HS3ST4: variants seen among roughly 807,000 people sequenced by gnomAD.
HS3ST4 encodes the protein heparan sulfate glucosamine 3-O-sulfotransferase 4.
In HS3ST4, 17 loss-of-function variants were observed where a neutral mutation model predicts 29.2. That is an observed-to-expected ratio of 0.58 (90% CI 0.40 to 0.87). The LOEUF (loss-of-function observed/expected upper bound fraction) is 0.87. Among genes scored for constraint, HS3ST4 ranks in the 40% least tolerant of loss-of-function variants. The pLI is 0.00. For synonymous variants in HS3ST4, 314 were observed against 285.7 expected (o/e 1.10, Z -1.00); for missense variants, 627 against 634.5 (o/e 0.99, Z 0.13).
At chr16:25,740,154 G>T (rs1053386868) in intron 1 of HS3ST4, among the ~76,000 whole-genome samples, 8 of 152,156 alleles carry the variant, frequency 5.3e-5, no homozygotes, top group African/African-American at 1.4e-4. Flanking sequence ...AGAGCCTACT[G>T]CATCGTTCTA....
intron 1 of HS3ST4, among the ~76,000 whole-genome samples, chr16:25,789,427 C>G (rs1296446412): frequency 1.1e-4 from 6 of 52,706 alleles, no homozygotes; most frequent in African/African-American, 4.9e-4. Context: ...TCCTTCCTTC[C>G]TTCCTTCCTT....
At chr16:25,707,298 T>TGA (rs942333157) in intron 1 of HS3ST4, among the ~76,000 whole-genome samples, 13 of 152,196 alleles carry the variant, frequency 8.5e-5, no homozygotes, top group Admixed American at 7.9e-4. Context: ...TAAAATATTT[T>TGA]GAGAGAGAGA....
At chr16:26,061,331 A>G (rs909425222) in intron 1 of HS3ST4, among the ~76,000 whole-genome samples, 5 of 152,216 alleles carry the variant, frequency 3.3e-5, no homozygotes, top group Non-Finnish European at 7.3e-5. Flanking sequence ...ATTATACAGC[A>G]TGTACTTGTT....
At chr16:25,988,436 G>T (rs553308804) in intron 1 of HS3ST4, among the ~76,000 whole-genome samples, 2 of 152,294 alleles carry the variant, frequency 1.3e-5, no homozygotes, top group Admixed American at 1.3e-4. Flanking sequence ...CTGAGCCAGA[G>T]GCTTTCTACT....
chr16:25,707,923 G>C (rs974042922), intron 1 of HS3ST4, among the ~76,000 whole-genome samples: 3 of 152,166 alleles, frequency 2.0e-5, no homozygotes, highest in African/African-American at 7.2e-5. Flanking sequence ...GGACTCACCT[G>C]CTAGTGGTAA....
chr16:25,791,192 GTTA>G (rs1202914370), intron 1 of HS3ST4, among the ~76,000 whole-genome samples: 2 of 151,946 alleles, frequency 1.3e-5, no homozygotes, highest in Non-Finnish European at 2.9e-5. Context: ...CACAAATCAA[GTTA>G]TTATATGTTT....
intron 1 of HS3ST4, among the ~76,000 whole-genome samples, chr16:25,956,014 C>G (rs1269286820): frequency 6.6e-6 from 1 of 151,914 alleles, no homozygotes; most frequent in Non-Finnish European, 1.5e-5. Context: ...TGGGGTTTCA[C>G]TATATAGGTC....
At chr16:26,054,299 A>AGAGAGAGAGAGAGAGAGAGAGAGAGAG (rs397962355) in intron 1 of HS3ST4, among the ~76,000 whole-genome samples, 12 of 141,688 alleles carry the variant, frequency 8.5e-5, no homozygotes, top group African/African-American at 3.5e-4. Flanking sequence ...AGAGAGAGAG[A>AGAGAGAGAGAGAGAGAGAGAGAGAGAG]AGGAGGAGGA....
chr16:25,831,396 TAC>T (rs58851793), intron 1 of HS3ST4, among the ~76,000 whole-genome samples: 5,971 of 125,956 alleles, frequency 0.047, 206 homozygotes, highest in African/African-American at 0.093. Context: ...ACCCCGTCTC[TAC>T]ACACACACAC....
chr16:26,073,760 G>A (rs7204723), intron 1 of HS3ST4, among the ~76,000 whole-genome samples: 21,651 of 152,174 alleles, frequency 0.14, 1,708 homozygotes, highest in Non-Finnish European at 0.17. Context: ...AAGAGATAGT[G>A]CAGTATTGGG....
chr16:25,973,096 A>G (rs982777811), intron 1 of HS3ST4, among the ~76,000 whole-genome samples: 1 of 152,214 alleles, frequency 6.6e-6, no homozygotes, highest in Non-Finnish European at 1.5e-5. Context: ...ATGTTTGTTT[A>G]AAAAATAGAG....
At chr16:25,734,187 C>T (rs1376707170) in intron 1 of HS3ST4, among the ~76,000 whole-genome samples, 1 of 152,184 alleles carries the variant, frequency 6.6e-6, no homozygotes, top group African/African-American at 2.4e-5. Context: ...TCTTTTCTGG[C>T]TATGTGTGCA....
chr16:26,014,857 A>G (rs13330092), intron 1 of HS3ST4, among the ~76,000 whole-genome samples: 5,959 of 152,230 alleles, frequency 0.039, 383 homozygotes, highest in African/African-American at 0.13. Flanking sequence ...AAGGGGTTGA[A>G]TTAGGATTTG....
intron 1 of HS3ST4, chr16:25,933,393 G>A (rs1271627740): frequency 1.9e-6 from 1 of 516,956 alleles, no homozygotes. Flanking sequence ...GAGGTGTCTT[G>A]AACTGGCTTT....
intron 1 of HS3ST4, among the ~76,000 whole-genome samples, chr16:25,796,561 AT>A (rs1966887249): frequency 6.6e-6 from 1 of 152,200 alleles, no homozygotes; most frequent in East Asian, 1.9e-4. Context: ...GCAAAAAAAA[AT>A]TGTAAATGAC....
chr16:25,824,561 CAAG>C (rs1328838005), intron 1 of HS3ST4: 11 of 152,176 alleles, frequency 7.2e-5, no homozygotes, highest in African/African-American at 2.7e-4. Flanking sequence ...TATTCACTAT[CAAG>C]AGAACAGCAT....
intron 1 of HS3ST4, among the ~76,000 whole-genome samples, chr16:25,935,033 G>T (rs192920147): frequency 1.3e-5 from 2 of 152,094 alleles, no homozygotes; most frequent in East Asian, 3.9e-4. Context: ...GAATTCTTAC[G>T]AGATCTGATA....
intron 1 of HS3ST4, among the ~76,000 whole-genome samples, chr16:25,716,682 C>T (rs1002632705): frequency 1.3e-5 from 2 of 152,218 alleles, no homozygotes; most frequent in African/African-American, 2.4e-5. Flanking sequence ...AGGCATCGTG[C>T]TGAGGGTTTC....
chr16:25,917,789 A>G (rs1465575911), intron 1 of HS3ST4, among the ~76,000 whole-genome samples: 1 of 152,222 alleles, frequency 6.6e-6, no homozygotes, highest in Non-Finnish European at 1.5e-5. Context: ...GAGAAGACAG[A>G]CTTTCTGTAA....
Sources: gnomAD v4.1 joint callset for allele counts (sites outside exome capture counted in the v4.1 genomes callset) on GRCh38, gnomAD v4.1.1 for gene constraint, MANE v1.5 for transcripts, NCBI Gene and HGNC (gene_info 2026-07-23, HGNC 2026-07-21) for gene names.